Variants in C1orf21 observed in about 807,000 individuals in gnomAD.
C1orf21 encodes the protein chromosome 1 open reading frame 21.
In C1orf21, 3 loss-of-function variants were observed where a neutral mutation model predicts 18.7. The ratio of observed to expected loss-of-function variants is 0.16; its 90% CI spans 0.07 to 0.42. The LOEUF (loss-of-function observed/expected upper bound fraction) is 0.42. Ranked by LOEUF, C1orf21 falls within the 10% of genes least tolerant of loss-of-function variation. C1orf21 has a pLI of 0.99. For synonymous variants in C1orf21, 41 were observed against 46.4 expected (o/e 0.88, Z 0.47); for missense variants, 104 against 143.6 (o/e 0.72, Z 1.41).
Position 184,581,520 on chromosome 1 carries a change from T to C in C1orf21, c.190-9219T>C, listed in dbSNP as rs184178968. ...TGATTAAAAACACTCTGGGTAAAAA[T>C]TGAATGTGGTTCTTCCAAGTTCGTT... On this transcript the variant is annotated intron_variant, in intron 3 of 5. Transcript: ENST00000235307. Among the ~76,000 whole-genome samples the C allele has an allele frequency of 2.6e-3, 399 of 152,218 alleles. 3 individuals carry two copies. Among genetic ancestry groups the C allele is most frequent in the Admixed American group, 0.01 (154 of 15,286 alleles).
chr1:184,399,303 G>A (rs1656111020), intron 1 of C1orf21, among the ~76,000 whole-genome samples: 2 of 149,584 alleles, frequency 1.3e-5, no homozygotes, highest in African/African-American at 2.5e-5. Context: ...TAGACTGGAA[G>A]CTTATTAGAA....
At chr1:184,449,420 G>A (rs3916684) in intron 1 of C1orf21, among the ~76,000 whole-genome samples, 31,772 of 152,028 alleles carry the variant, frequency 0.21, 3,778 homozygotes, top group African/African-American at 0.33. Flanking sequence ...TGGTGTATAT[G>A]TGCCACATTT....
At chr1:184,423,051 A>T (rs1656571122) in intron 1 of C1orf21, among the ~76,000 whole-genome samples, 1 of 152,170 alleles carries the variant, frequency 6.6e-6, no homozygotes, top group South Asian at 2.1e-4. Context: ...TTAAGCCTCC[A>T]CTTCCTTGTT....
At chr1:184,557,859 A>T (rs773031899) in intron 3 of C1orf21, among the ~76,000 whole-genome samples, 5 of 152,160 alleles carry the variant, frequency 3.3e-5, no homozygotes, top group Non-Finnish European at 5.9e-5. Flanking sequence ...CAACCAGATA[A>T]TGTAGCTGAT....
chr1:184,428,577 T>C (rs1656681977), intron 1 of C1orf21, among the ~76,000 whole-genome samples: 1 of 152,254 alleles, frequency 6.6e-6, no homozygotes, highest in Non-Finnish European at 1.5e-5. Context: ...TTATACTTAA[T>C]GATACGAACA....
At chr1:184,470,930 A>T (rs1014858519) in intron 1 of C1orf21, among the ~76,000 whole-genome samples, 1 of 152,008 alleles carries the variant, frequency 6.6e-6, no homozygotes, top group African/African-American at 2.4e-5. Context: ...AATATCTGCC[A>T]TTGCCTTTGA....
rs529407375 is a variant in C1orf21 at position 184,500,233 on chromosome 1, G to A, written c.95-7355G>A. Among the ~76,000 whole-genome samples, 4 of 152,274 alleles carry A rather than the reference G, an allele frequency of 2.6e-5. No individual in the cohort carries two copies. In the East Asian group the frequency reaches 7.7e-4, roughly 29 times the overall value. On this transcript the variant is annotated intron_variant, in intron 2 of 5. Coordinates refer to ENST00000235307, the MANE Select transcript of C1orf21 (RefSeq NM_030806.4). ...GGATCTGGTTGTGTCTTTTGTCGGA[G>A]CTTGTCAGAAGATGAATGTTCCAGG...
At chr1:184,436,562 C>T (rs865818935) in intron 1 of C1orf21, among the ~76,000 whole-genome samples, 9 of 152,018 alleles carry the variant, frequency 5.9e-5, no homozygotes, top group Middle Eastern at 6.8e-3. Context: ...ACATGCTTCC[C>T]TAAAGGAGAA....
intron 3 of C1orf21, among the ~76,000 whole-genome samples, chr1:184,562,592 A>C (rs1486102586): frequency 1.3e-5 from 2 of 152,232 alleles, no homozygotes; most frequent in South Asian, 4.1e-4. Context: ...GGGAATAATT[A>C]AGGCAACATA....
At chr1:184,583,344 C>T (rs1156297619) in intron 3 of C1orf21, among the ~76,000 whole-genome samples, 1 of 152,182 alleles carries the variant, frequency 6.6e-6, no homozygotes, top group African/African-American at 2.4e-5. Flanking sequence ...AAAATTACTT[C>T]AAGCAAAGGA....
chr1:184,609,543 T>G (rs1571300438), intron 5 of C1orf21, among the ~76,000 whole-genome samples: 1 of 152,292 alleles, frequency 6.6e-6, no homozygotes, highest in East Asian at 1.9e-4. Context: ...GGGGGAGGTG[T>G]GTGAGGCTCC....
chr1:184,430,301 C>T (rs576847796), intron 1 of C1orf21, among the ~76,000 whole-genome samples: 3 of 152,070 alleles, frequency 2.0e-5, no homozygotes, highest in East Asian at 1.9e-4. Flanking sequence ...AACTTTTCAG[C>T]CAATTAGATG....
chr1:184,613,317 C>G (rs751769241), intron 5 of C1orf21, among the ~76,000 whole-genome samples: 4 of 152,140 alleles, frequency 2.6e-5, no homozygotes, highest in Non-Finnish European at 5.9e-5. Flanking sequence ...TTCAGGCATC[C>G]ACTGGTGATT....
intron 3 of C1orf21, among the ~76,000 whole-genome samples, chr1:184,530,653 T>C (rs1190050086): frequency 6.6e-6 from 1 of 151,306 alleles, no homozygotes; most frequent in Non-Finnish European, 1.5e-5. Flanking sequence ...CTTTTGTCTA[T>C]TTTGTTTCAA....
intron 3 of C1orf21, among the ~76,000 whole-genome samples, chr1:184,565,853 G>A (rs1482947110): frequency 6.6e-6 from 1 of 152,160 alleles, no homozygotes; most frequent in Non-Finnish European, 1.5e-5. Context: ...TTGTCCTTGG[G>A]ACTGCAGACT....
intron 3 of C1orf21, among the ~76,000 whole-genome samples, chr1:184,529,543 G>T (rs1271585294): frequency 6.6e-6 from 1 of 152,192 alleles, no homozygotes; most frequent in Non-Finnish European, 1.5e-5. Context: ...ATATGTGTTT[G>T]CACATGCACC....
intron 1 of C1orf21, among the ~76,000 whole-genome samples, chr1:184,439,240 T>A (rs1345696396): frequency 6.6e-6 from 1 of 151,884 alleles, no homozygotes; most frequent in South Asian, 2.1e-4. Context: ...AAAACAAAAC[T>A]GTTCTTTTTC....
intron 1 of C1orf21, among the ~76,000 whole-genome samples, chr1:184,426,257 G>T (rs369819787): frequency 3.3e-5 from 5 of 152,186 alleles, no homozygotes; most frequent in Non-Finnish European, 1.5e-5. Context: ...CTAACTGGTG[G>T]TCTTCTACTT....
chr1:184,601,070 A>G (rs1166558669), intron 5 of C1orf21, among the ~76,000 whole-genome samples: 3 of 152,244 alleles, frequency 2.0e-5, no homozygotes. Flanking sequence ...CCATAAATGC[A>G]AGTCAAATCT....
Sources: gnomAD v4.1 joint callset for allele counts (sites outside exome capture counted in the v4.1 genomes callset) on GRCh38, gnomAD v4.1.1 for gene constraint, MANE v1.5 for transcripts, NCBI Gene and HGNC (gene_info 2026-07-23, HGNC 2026-07-21) for gene names.